Variants in UBE2E2 observed in about 807,000 individuals in gnomAD.
UBE2E2 encodes the protein ubiquitin conjugating enzyme E2 E2.
Under a neutral mutation model 24.7 loss-of-function variants are expected in UBE2E2, and 6 were observed. The ratio of observed to expected loss-of-function variants is 0.24; its 90% confidence interval spans 0.13 to 0.48. The LOEUF is 0.48. Among genes scored for constraint, UBE2E2 ranks in the 20% least tolerant of loss-of-function variants. UBE2E2 has a pLI of 0.99. For synonymous variants in UBE2E2, 104 were observed against 83.6 expected (o/e 1.24, Z -1.33); for missense variants, 169 against 245.0 (o/e 0.69, Z 2.07).
chr3:23,551,758 A>G (rs1695649258), intron 5 of UBE2E2, among the ~76,000 whole-genome samples: 1 of 152,194 alleles, frequency 6.6e-6, no homozygotes. Flanking sequence ...AGGGATGTAA[A>G]GCATGGTTTG....
At chr3:23,301,104 G>A (rs928675613) in intron 3 of UBE2E2, among the ~76,000 whole-genome samples, 1 of 152,034 alleles carries the variant, frequency 6.6e-6, no homozygotes, top group Non-Finnish European at 1.5e-5. Flanking sequence ...CATTTGTCAC[G>A]TAGCTCTCAT....
chr3:23,448,356 C>G (rs1389645472), intron 3 of UBE2E2, among the ~76,000 whole-genome samples: 2 of 152,166 alleles, frequency 1.3e-5, no homozygotes, highest in Non-Finnish European at 2.9e-5. Flanking sequence ...ACCATATACT[C>G]TGGAACTACT....
intron 3 of UBE2E2, among the ~76,000 whole-genome samples, chr3:23,265,771 G>A (rs961632832): frequency 6.6e-6 from 1 of 152,164 alleles, no homozygotes; most frequent in Admixed American, 6.5e-5. Context: ...TTGTTATTGT[G>A]TGGGAGTCTA....
intron 3 of UBE2E2, among the ~76,000 whole-genome samples, chr3:23,413,576 C>A (rs1192242701): frequency 6.6e-6 from 1 of 152,006 alleles, no homozygotes; most frequent in African/African-American, 2.4e-5. Context: ...TGCCTGGAAC[C>A]ACTCCTTGGC....
intron 3 of UBE2E2, among the ~76,000 whole-genome samples, chr3:23,344,701 AAT>A (rs145167911): frequency 6.6e-6 from 1 of 151,286 alleles, no homozygotes. Context: ...CAAAAAAAAT[AAT>A]ATATATATAT....
At chr3:23,253,077 C>T (rs1167750603) in intron 3 of UBE2E2, among the ~76,000 whole-genome samples, 2 of 152,010 alleles carry the variant, frequency 1.3e-5, no homozygotes, top group Non-Finnish European at 2.9e-5. Context: ...TATTCCTTAC[C>T]TGTGGTTTAA....
rs1312349110 is a variant in UBE2E2 at position 23,253,493 on chromosome 3, AACT to A, written c.227+36187_227+36189del. Among the ~76,000 whole-genome samples, 52 of 152,350 alleles carry A rather than the reference AACT, an allele frequency of 3.4e-4. 1 individual carries two copies. In the Middle Eastern group the frequency reaches 0.01, roughly 30 times the overall value. Reference sequence around the variant, plus strand: ...AAGAAATTGTACATAGTGCTGCTGAAACTACTACCATTGCTACTGGACTGTGAA... The same window carrying A: ...AAGAAATTGTACATAGTGCTGCTGAAACTACCATTGCTACTGGACTGTGAA... On this transcript the variant is annotated intron_variant, in intron 3 of 5. Coordinates refer to ENST00000396703, the MANE Select transcript of UBE2E2 (RefSeq NM_152653.4).
At chr3:23,210,335 G>T (rs1377917436) in intron 2 of UBE2E2, among the ~76,000 whole-genome samples, 2 of 152,292 alleles carry the variant, frequency 1.3e-5, no homozygotes, top group East Asian at 3.9e-4. Context: ...ATAGGGTTCT[G>T]CTGGGCCTGT....
Position 23,552,157 on chromosome 3 carries a change from G to A in UBE2E2, c.508+19456G>A, listed in dbSNP as rs529475499. 5.9e-5 allele frequency among the ~76,000 whole-genome samples: 9 copies of A among 152,220 alleles called. No homozygotes were observed. In the South Asian group the frequency reaches 1.9e-3, roughly 32 times the overall value. On this transcript the variant is annotated intron_variant, in intron 5 of 5. Coordinates refer to ENST00000396703, the MANE Select transcript of UBE2E2 (RefSeq NM_152653.4). ...TAAGCCACCCAGTCTATGGTTTGTT[G>A]TATGGCCACCCGGGCAGACTAATAC...
intron 3 of UBE2E2, among the ~76,000 whole-genome samples, chr3:23,331,470 A>G (rs1198390413): frequency 6.6e-6 from 1 of 151,790 alleles, no homozygotes; most frequent in Non-Finnish European, 1.5e-5. Context: ...CAAGCTGGGA[A>G]GAGAGCAGAG....
At chr3:23,472,474 A>C (rs1202318871) in intron 3 of UBE2E2, among the ~76,000 whole-genome samples, 1 of 152,148 alleles carries the variant, frequency 6.6e-6, no homozygotes, top group Non-Finnish European at 1.5e-5. Context: ...CATCCTCCAT[A>C]CTTTTTTCAC....
chr3:23,351,148 T>A (rs1374682264), intron 3 of UBE2E2, among the ~76,000 whole-genome samples: 1 of 152,006 alleles, frequency 6.6e-6, no homozygotes, highest in Non-Finnish European at 1.5e-5. Flanking sequence ...GCTTCATAAG[T>A]GAAGGAGAAA....
chr3:23,571,307 TGA>T (rs1696223282), intron 5 of UBE2E2, among the ~76,000 whole-genome samples: 2 of 133,252 alleles, frequency 1.5e-5, no homozygotes, highest in African/African-American at 5.6e-5. Context: ...TTTTTTTTTT[TGA>T]GACAGAGTCT....
At chr3:23,211,743 C>G (rs1696329704) in intron 2 of UBE2E2, among the ~76,000 whole-genome samples, 1 of 152,082 alleles carries the variant, frequency 6.6e-6, no homozygotes, top group African/African-American at 2.4e-5. Flanking sequence ...TCGATTTCTT[C>G]TTTCGTAGAA....
chr3:23,341,709 TC>T (rs1695393224), intron 3 of UBE2E2, among the ~76,000 whole-genome samples: 1 of 152,216 alleles, frequency 6.6e-6, no homozygotes, highest in Admixed American at 6.6e-5. Flanking sequence ...TTCTTCTCGT[TC>T]TTTTTTTTTT....
At chr3:23,457,844 T>C (rs982436903) in intron 3 of UBE2E2, among the ~76,000 whole-genome samples, 66 of 152,232 alleles carry the variant, frequency 4.3e-4, no homozygotes, top group African/African-American at 1.5e-3. Flanking sequence ...CTTACTCTCT[T>C]AGCCTTCGCA....
intron 5 of UBE2E2, among the ~76,000 whole-genome samples, chr3:23,572,098 G>C (rs1696243802): frequency 6.6e-6 from 1 of 152,098 alleles, no homozygotes; most frequent in African/African-American, 2.4e-5. Context: ...CTAGATTTAG[G>C]CAGTTTTATT....
chr3:23,309,859 G>A (rs1180907077), intron 3 of UBE2E2, among the ~76,000 whole-genome samples: 5 of 152,038 alleles, frequency 3.3e-5, no homozygotes, highest in African/African-American at 4.8e-5. Flanking sequence ...CAGGTTACTC[G>A]ACTGCCCTCG....
chr3:23,499,650 T>C lies in UBE2E2; in HGVS notation c.270T>C (p.Thr90=), dbSNP rs1699677284. 1.2e-6 allele frequency: 2 copies of C among 1,613,958 alleles called. No homozygotes were observed. The highest frequency in any genetic ancestry group is 1.7e-6 in the Non-Finnish European group (2 of 1,179,892). The stretch of plus-strand genomic sequence containing the variant: ...ACAACATTTATGAATGGAGGTCAAC[T>C]ATATTGGGACCCCCAGGATCTGTCT... ...KGDNIYEWRS[T]ILGPPGSVYE... The change falls in exon 4 of 6, where the codon ACT becomes ACC. Residue 90 remains threonine (T), a synonymous_variant. Transcript: ENST00000396703.
Sources: allele counts gnomAD v4.1 joint callset (sites outside exome capture counted in the v4.1 genomes callset), GRCh38; gene constraint gnomAD v4.1.1; transcripts MANE v1.5; gene names NCBI Gene and HGNC (gene_info 2026-07-23, HGNC 2026-07-21).